THOC2: variants seen among roughly 807,000 people sequenced by gnomAD.
THOC2 encodes THO complex subunit 2, also known as THO complex 2.
Under a neutral mutation model 128.4 loss-of-function variants are expected in THOC2, and 10 were observed. The observed-to-expected ratio is 0.08, with a 90% CI of 0.05 to 0.13. The LOEUF (loss-of-function observed/expected upper bound fraction) is 0.13, where lower values mean the gene tolerates loss of function less well. THOC2 is among the 10% of genes least tolerant of loss of function. The pLI, the probability that THOC2 is intolerant of heterozygous loss-of-function variation, is 1.00. For synonymous variants in THOC2, 393 were observed against 396.9 expected (o/e 0.99, Z 0.12); for missense variants, 535 against 1,155.7 (o/e 0.46, Z 7.79).
At chrX:123,694,208 TTAAG>T (rs748993484) in intron 7 of THOC2, among the ~76,000 whole-genome samples, 5 of 109,515 alleles carry the variant, frequency 4.6e-5, no homozygotes, top group Admixed American at 9.8e-5. Context: ...GAATACTACC[TTAAG>T]TAAGTATGAC....
At chrX:123,730,923 G>A (rs1603350752) in intron 1 of THOC2, among the ~76,000 whole-genome samples, 1 of 112,034 alleles carries the variant, frequency 8.9e-6, no homozygotes, top group Non-Finnish European at 1.9e-5. Context: ...CAGCCTGGGC[G>A]ACAGAGCGAG....
intron 15 of THOC2, among the ~76,000 whole-genome samples, 172 bp from the exon 16 acceptor site, chrX:123,640,794 T>TTGG (rs2047882134): frequency 8.9e-6 from 1 of 111,981 alleles, no homozygotes; most frequent in African/African-American, 3.2e-5. Context: ...TTGGGCTATT[T>TTGG]TGGTTAGGGA....
At chrX:123,668,639 T>A (rs1434361738) in intron 9 of THOC2, among the ~76,000 whole-genome samples, 6 of 111,718 alleles carry the variant, frequency 5.4e-5, no homozygotes, top group African/African-American at 1.9e-4. Context: ...AGCAGTTCCA[T>A]TAAAAACATT....
intron 12 of THOC2, among the ~76,000 whole-genome samples, chrX:123,664,574 C>T (rs946205849): frequency 8.9e-6 from 1 of 112,346 alleles, no homozygotes; most frequent in African/African-American, 3.2e-5. Context: ...CAAAAGAAGA[C>T]ATTTATGCAG....
chrX:123,641,482 C>T (rs1464062470), intron 15 of THOC2, among the ~76,000 whole-genome samples: 1 of 112,200 alleles, frequency 8.9e-6, no homozygotes, highest in Non-Finnish European at 1.9e-5. Context: ...TCATCAACTG[C>T]TTCCCTTTCC....
chrX:123,727,674 G>A (rs1269206572), intron 1 of THOC2, among the ~76,000 whole-genome samples: 1 of 112,077 alleles, frequency 8.9e-6, no homozygotes, highest in African/African-American at 3.2e-5. Context: ...CTGGGCTCAG[G>A]CAATCCTTCC....
At chrX:123,700,830 G>T (rs1286627735) in intron 4 of THOC2, among the ~76,000 whole-genome samples, 11 of 111,520 alleles carry the variant, frequency 9.9e-5, no homozygotes, top group Non-Finnish European at 2.1e-4. Flanking sequence ...ACAATGCCTA[G>T]AACATGGAAG....
intron 5 of THOC2, 62 bp from the exon 6 acceptor site, chrX:123,696,904 A>T (rs1029283819): frequency 2.3e-6 from 2 of 888,844 alleles, no homozygotes; most frequent in African/African-American, 2.0e-5. Context: ...TGTTAAATAT[A>T]TTCAAACTAA....
intron 1 of THOC2, among the ~76,000 whole-genome samples, chrX:123,727,462 G>A (rs1473716223): frequency 9.0e-6 from 1 of 111,141 alleles, no homozygotes; most frequent in Non-Finnish European, 1.9e-5. Flanking sequence ...TATAGGGAGA[G>A]GAAAAAACAA....
In THOC2 at chrX:123,731,794, G is replaced by A. The variant is rs956004777; in HGVS notation, c.71+1158C>T. 4.5e-5 allele frequency among the ~76,000 whole-genome samples: 5 copies of A among 111,221 alleles called. No individual in the cohort carries two copies. The East Asian group carries it at 1.4e-3, about 32-fold the overall frequency. ...CATAGGCTGGCACTATTACAAGCGC[G>A]GGATCCGGCAACGCGTTCCTCGTGT... On this transcript the variant is annotated intron_variant, in intron 1 of 38. Transcript: ENST00000245838.
At chrX:123,606,512 T>C (rs1008840508) in intron 38 of THOC2, among the ~76,000 whole-genome samples, 2 of 111,245 alleles carry the variant, frequency 1.8e-5, no homozygotes, top group Non-Finnish European at 3.8e-5. Flanking sequence ...GAGAATCGCT[T>C]GAACCCAGGG....
chrX:123,641,416 G>T (rs759972159), intron 15 of THOC2, among the ~76,000 whole-genome samples: 1 of 112,058 alleles, frequency 8.9e-6, no homozygotes, highest in South Asian at 3.7e-4. Context: ...TCCAAGTGAC[G>T]AACTTGCTTT....
chrX:123,655,649 C>T lies in THOC2; in HGVS notation c.1386+9993G>A, dbSNP rs757621934. 6.3e-5 allele frequency among the ~76,000 whole-genome samples: 7 copies of T among 111,134 alleles called. No individual in the cohort carries two copies. The South Asian group carries it at 2.2e-3, about 36-fold the overall frequency. On this transcript the variant is annotated intron_variant, in intron 12 of 38. Transcript: ENST00000245838. ...GTGTCTCCTAAGAACAAGGACATGCCGCCATATTAACACAAGATCACTATC... is the reference window on the plus strand; with the variant it reads ...GTGTCTCCTAAGAACAAGGACATGCTGCCATATTAACACAAGATCACTATC...
chrX:123,616,357 T>C (rs1356080961), intron 33 of THOC2, among the ~76,000 whole-genome samples: 2 of 111,291 alleles, frequency 1.8e-5, no homozygotes, highest in African/African-American at 6.5e-5. Flanking sequence ...CAAATAAAAT[T>C]AAGGATTCAT....
chrX:123,697,139 G>A (rs1014110126), intron 5 of THOC2, among the ~76,000 whole-genome samples: 1 of 111,684 alleles, frequency 9.0e-6, no homozygotes, highest in African/African-American at 3.2e-5. Flanking sequence ...GGCTTATCTG[G>A]ACTTTCACCT....
rs1234674658 is a variant in THOC2, at chrX:123,680,237, A to AC, written c.768+6310dup. Among the ~76,000 whole-genome samples the AC allele has an allele frequency of 1.3e-4, 14 of 111,730 alleles. No homozygotes were observed. The Admixed American group carries it at 1.3e-3, about 10-fold the overall frequency. ...ATTCCATCTACTGAGATAGGGGAAA[A>AC]CCGCCTTAGGGCTGGAGGTGGGACA... On this transcript the variant is annotated intron_variant, in intron 8 of 38. Coordinates refer to ENST00000245838, the MANE Select transcript of THOC2 (RefSeq NM_001081550.2).
chrX:123,691,903 A>T (rs947797777), intron 7 of THOC2, among the ~76,000 whole-genome samples: 1 of 112,354 alleles, frequency 8.9e-6, no homozygotes, highest in Admixed American at 9.4e-5. Flanking sequence ...ATAACATTTT[A>T]TTGGCACACA....
intron 38 of THOC2, chrX:123,601,689 T>C (rs929681283): frequency 3.7e-5 from 4 of 109,418 alleles, no homozygotes; most frequent in Non-Finnish European, 5.7e-5. Context: ...AACACACTAA[T>C]GATGACTTAA....
intron 7 of THOC2, among the ~76,000 whole-genome samples, chrX:123,691,604 C>A (rs985871886): frequency 1.8e-5 from 2 of 111,666 alleles, no homozygotes; most frequent in African/African-American, 6.5e-5. Flanking sequence ...CTCACTCTAC[C>A]CTTCCCTAGC....
Sources: gnomAD v4.1 joint callset for allele counts (sites outside exome capture counted in the v4.1 genomes callset) on GRCh38, gnomAD v4.1.1 for gene constraint, MANE v1.5 for transcripts, NCBI Gene and HGNC (gene_info 2026-07-23, HGNC 2026-07-21) for gene names.